CHM: variants seen among roughly 807,000 people sequenced by gnomAD.
The protein encoded by CHM is CHM Rab escort protein, also known as rab proteins geranylgeranyltransferase component A 1.
CHM carries 10 observed loss-of-function variants against 49.0 expected under a neutral mutation model. The ratio of observed to expected loss-of-function variants is 0.20; its 90% CI spans 0.13 to 0.35. CHM has a LOEUF of 0.35. Ranked by LOEUF, CHM falls within the 10% of genes least tolerant of loss-of-function variation. The pLI is 1.00. For synonymous variants in CHM, 184 were observed against 167.5 expected, an observed-to-expected ratio of 1.10 and a Z score of -0.76; for missense variants, 455 against 478.4, an observed-to-expected ratio of 0.95 and a Z score of 0.46.
At chrX:86,001,598 G>A (rs1385255000) in intron 2 of CHM, among the ~76,000 whole-genome samples, 1 of 110,243 alleles carries the variant, frequency 9.1e-6, no homozygotes, top group African/African-American at 3.3e-5. Context: ...AGAACAAGGG[G>A]GAGGTGCCAC....
At chrX:85,996,161 C>T (rs1932428379) in intron 2 of CHM, among the ~76,000 whole-genome samples, 1 of 111,723 alleles carries the variant, frequency 9.0e-6, no homozygotes, top group Non-Finnish European at 1.9e-5. Context: ...AACTAACCAA[C>T]CTTAATTTCC....
intron 4 of CHM, among the ~76,000 whole-genome samples, chrX:85,972,503 G>C (rs747498384): frequency 8.8e-6 from 1 of 113,294 alleles, no homozygotes; most frequent in Non-Finnish European, 1.9e-5. Context: ...GGCCTGCCCC[G>C]TGGGAAGGCA....
At chrX:86,046,798 G>T (rs148789267) in intron 1 of CHM, among the ~76,000 whole-genome samples, 1 of 111,539 alleles carries the variant, frequency 9.0e-6, no homozygotes, top group East Asian at 2.8e-4. Flanking sequence ...GTTAGATAAG[G>T]TCACACACCT....
At chrX:86,027,592 A>G in intron 1 of CHM, 35 bp from the exon 2 acceptor site, 1 of 1,113,633 alleles carries the variant, frequency 9.0e-7, no homozygotes, top group South Asian at 1.8e-5. Context: ...TTTAGAATGT[A>G]GAAATATATA....
At chrX:85,946,003 T>G (rs1230173101) in intron 8 of CHM, among the ~76,000 whole-genome samples, 1 of 111,996 alleles carries the variant, frequency 8.9e-6, no homozygotes, top group African/African-American at 3.2e-5. Flanking sequence ...TGTGGAAGCT[T>G]GACTTGAGAG....
intron 2 of CHM, among the ~76,000 whole-genome samples, chrX:86,009,186 CTGT>C (rs940183455): frequency 2.7e-5 from 3 of 111,980 alleles, no homozygotes; most frequent in African/African-American, 9.7e-5. Flanking sequence ...GTGCTAACTG[CTGT>C]TGTTCTAGAT....
At chrX:85,892,075 C>T (rs1925501395) in intron 12 of CHM, among the ~76,000 whole-genome samples, 1 of 111,738 alleles carries the variant, frequency 8.9e-6, no homozygotes, top group Non-Finnish European at 1.9e-5. Flanking sequence ...TTTGGAATGG[C>T]TGTATTTATC....
chrX:85,941,587 A>G (rs777526326), intron 8 of CHM, among the ~76,000 whole-genome samples: 2 of 111,609 alleles, frequency 1.8e-5, no homozygotes, highest in Admixed American at 1.9e-4. Flanking sequence ...TTTTGGAAAA[A>G]AAGACTATTC....
At chrX:85,969,372 GAATT>G in intron 4 of CHM, 1 of 724,623 alleles carries the variant, frequency 1.4e-6, no homozygotes, top group Non-Finnish European at 1.6e-6. Context: ...ATTTAAGTGT[GAATT>G]AATATATTGC....
intron 2 of CHM, among the ~76,000 whole-genome samples, chrX:86,002,858 G>A (rs1015650387): frequency 1.8e-5 from 2 of 112,279 alleles, no homozygotes; most frequent in East Asian, 5.6e-4. Flanking sequence ...AAACATCCCT[G>A]TCTGACAGCT....
At position 86,042,550 on chromosome X, in the gene CHM, G is replaced by T. The variant is rs10127380; in HGVS notation, c.49+4934C>A. On this transcript the variant is annotated intron_variant, in intron 1 of 14. Coordinates refer to ENST00000357749, the MANE Select transcript of CHM (RefSeq NM_000390.4). The stretch of plus-strand genomic sequence containing the variant: ...AACAACCAGTCGACCAGGCACAGTG[G>T]CTCCCATCTGTAATCCCAGCAATTT... 7.6e-3 allele frequency among the ~76,000 whole-genome samples: 844 copies of T among 110,378 alleles called. 4 individuals carry two copies. The highest frequency in any genetic ancestry group is 0.026 in the African/African-American group (774 of 30,211).
In CHM at chrX:86,018,304, A is replaced by G. The variant is rs373915843; in HGVS notation, c.116+9187T>C. On this transcript the variant is annotated intron_variant, in intron 2 of 14. Coordinates refer to ENST00000357749, the MANE Select transcript of CHM (RefSeq NM_000390.4). ...AAAATGTTCAAGATCATTAGCCAGTAAGAAAATGTGAATTAAAATAAGGAG... is the reference window on the plus strand; with the variant it reads ...AAAATGTTCAAGATCATTAGCCAGTGAGAAAATGTGAATTAAAATAAGGAG... 3.6e-4 allele frequency among the ~76,000 whole-genome samples: 40 copies of G among 112,245 alleles called. 2 individuals are homozygous for G. The East Asian group carries it at 6.5e-3, about 18-fold the overall frequency.
chrX:86,021,133 T>TATATATAA (rs1933568566), intron 2 of CHM, among the ~76,000 whole-genome samples: 1 of 27,741 alleles, frequency 3.6e-5, no homozygotes, highest in Non-Finnish European at 6.7e-5. Flanking sequence ...TACGTATATA[T>TATATATAA]ATATATATAT....
chrX:85,876,732 G>A (rs1337564310), intron 13 of CHM, among the ~76,000 whole-genome samples: 2 of 111,441 alleles, frequency 1.8e-5, no homozygotes, highest in African/African-American at 6.5e-5. Context: ...ACCCTTCTGA[G>A]CACATAGTTC....
rs148792116 is a variant in CHM, at chrX:85,963,594, G to A, written c.702+71C>T. 1,787 of 902,330 alleles carry A rather than the reference G, an allele frequency of 2.0e-3. 17 individuals carry two copies. In the African/African-American group the frequency reaches 0.029, roughly 15 times the overall value. The allele number at this position is 902,330 out of a possible 1,213,427, so 74.4% of individuals were successfully genotyped here. On this transcript the variant is annotated intron_variant, in intron 5 of 14. Transcript: ENST00000357749. ...CAAAACAAATGTTCTGCATCTCAGA[G>A]AATTACAAAAACTGGGTTTATGGGC...
At chrX:85,923,781 A>G (rs773014052) in intron 8 of CHM, among the ~76,000 whole-genome samples, 42 of 111,273 alleles carry the variant, frequency 3.8e-4, no homozygotes, top group Non-Finnish European at 6.4e-4. Flanking sequence ...GGGGGTTGGA[A>G]CATTAGACAG....
intron 4 of CHM, among the ~76,000 whole-genome samples, chrX:85,978,062 A>G (rs1454107418): frequency 8.9e-6 from 1 of 111,895 alleles, no homozygotes; most frequent in East Asian, 2.8e-4. Flanking sequence ...TCTGGACTCT[A>G]TAACTACTTG....
At chrX:85,969,771 G>A (rs5922205) in intron 4 of CHM, 50,302 of 110,501 alleles carry the variant, frequency 0.46, 9,630 homozygotes, top group Non-Finnish European at 0.6. Context: ...ATAGAATACT[G>A]CACAGCCATA....
chrX:85,880,185 T>G (rs1452117205), intron 12 of CHM, among the ~76,000 whole-genome samples: 1 of 111,607 alleles, frequency 9.0e-6, no homozygotes, highest in Non-Finnish European at 1.9e-5. Flanking sequence ...TATGGCCTAA[T>G]AATAGGTCTA....
Sources: allele counts gnomAD v4.1 joint callset (sites outside exome capture counted in the v4.1 genomes callset), GRCh38; gene constraint gnomAD v4.1.1; transcripts MANE v1.5; gene names NCBI Gene and HGNC (gene_info 2026-07-23, HGNC 2026-07-21).